Variants in RBFOX1 observed in about 807,000 individuals in gnomAD.
RBFOX1 encodes the protein RNA binding protein fox-1 homolog 1.
Under a neutral mutation model 57.7 loss-of-function variants are expected in RBFOX1, and 8 were observed. That is an observed-to-expected ratio of 0.14 (90% CI 0.08 to 0.25). The LOEUF is 0.25. RBFOX1 is among the 10% of genes least tolerant of loss of function. The pLI is 1.00. For synonymous variants in RBFOX1, 326 were observed against 222.4 expected (o/e 1.47, Z -4.15); for missense variants, 611 against 548.5 (o/e 1.11, Z -1.14).
chr16:5,796,541 C>G (rs150670412), intron 3 of RBFOX1, among the ~76,000 whole-genome samples: 20 of 147,480 alleles, frequency 1.4e-4, no homozygotes, highest in South Asian at 2.2e-4. Context: ...TGAAGCAGGG[C>G]TGTATCAGAT....
intron 1 of RBFOX1, among the ~76,000 whole-genome samples, chr16:5,314,852 C>G (rs1013065330): frequency 6.8e-6 from 1 of 147,784 alleles, no homozygotes; most frequent in African/African-American, 2.5e-5. Context: ...AAAGAACTTT[C>G]AGGTCAAAGA....
At chr16:6,730,693 C>G (rs746448363) in intron 3 of RBFOX1, among the ~76,000 whole-genome samples, 1 of 152,162 alleles carries the variant, frequency 6.6e-6, no homozygotes. Flanking sequence ...GATGAAATGC[C>G]ACTGTCCAAA....
At chr16:7,695,118 G>C (rs532187703) in intron 14 of RBFOX1, among the ~76,000 whole-genome samples, 4 of 152,252 alleles carry the variant, frequency 2.6e-5, no homozygotes, top group African/African-American at 9.6e-5. Flanking sequence ...AATTCTTAAT[G>C]AATTGCTATT....
At chr16:5,440,262 A>G (rs936985195) in intron 1 of RBFOX1, among the ~76,000 whole-genome samples, 9 of 152,242 alleles carry the variant, frequency 5.9e-5, no homozygotes, top group African/African-American at 1.9e-4. Context: ...ATATCGTTCC[A>G]GGTACAAAAT....
intron 4 of RBFOX1, among the ~76,000 whole-genome samples, chr16:5,985,311 G>A (rs898403284): frequency 7.1e-6 from 1 of 140,082 alleles, no homozygotes; most frequent in African/African-American, 2.6e-5. Context: ...ATAATCTTAT[G>A]GGGCCATTGT....
chr16:5,443,398 C>T lies in RBFOX1; in HGVS notation c.220-23818C>T, dbSNP rs144969941. On this transcript the variant is annotated intron_variant, in intron 1 of 2. Coordinates refer to the RBFOX1 transcript ENST00000585867. ...TGTTACCCAGGCTGGAGTGCAGTGT[C>T]GCGATCTTGGCTCACTGCAACCTCC... 1.3e-3 allele frequency among the ~76,000 whole-genome samples: 198 copies of T among 152,262 alleles called. 3 individuals carry two copies. The East Asian group carries it at 0.035, about 27-fold the overall frequency.
chr16:5,555,142 G>A (rs1351268274), intron 2 of RBFOX1, among the ~76,000 whole-genome samples: 1 of 152,206 alleles, frequency 6.6e-6, no homozygotes, highest in South Asian at 2.1e-4. Flanking sequence ...CCCCTTGCCT[G>A]CATCTAGCTA....
At chr16:6,321,116 T>A (rs1413895313) in intron 2 of RBFOX1, among the ~76,000 whole-genome samples, 2 of 152,176 alleles carry the variant, frequency 1.3e-5, no homozygotes, top group Non-Finnish European at 2.9e-5. Context: ...TTACTTTAGT[T>A]TTAATTGACA....
At chr16:6,845,991 A>G (rs572930972) in intron 3 of RBFOX1, among the ~76,000 whole-genome samples, 8 of 152,352 alleles carry the variant, frequency 5.3e-5, no homozygotes, top group East Asian at 3.9e-4. Context: ...GCATCAATGC[A>G]TCTCTGTAAA....
At chr16:5,463,430 A>T (rs1221366699) in intron 1 of RBFOX1, among the ~76,000 whole-genome samples, 1 of 152,202 alleles carries the variant, frequency 6.6e-6, no homozygotes, top group Non-Finnish European at 1.5e-5. Flanking sequence ...GAGTTTCTAA[A>T]TGAAAAAATA....
At chr16:7,423,542 C>G (rs1442209951) in intron 4 of RBFOX1, among the ~76,000 whole-genome samples, 4 of 152,078 alleles carry the variant, frequency 2.6e-5, no homozygotes, top group African/African-American at 7.2e-5. Flanking sequence ...CTGTCACCAT[C>G]TGTACTTTCG....
At chr16:5,974,025 A>C (rs573488133) in intron 4 of RBFOX1, among the ~76,000 whole-genome samples, 2 of 152,224 alleles carry the variant, frequency 1.3e-5, no homozygotes, top group African/African-American at 4.8e-5. Flanking sequence ...CCTCATTTGT[A>C]AAATAGAGAT....
chr16:7,238,727 T>G (rs951546512), intron 4 of RBFOX1, among the ~76,000 whole-genome samples: 1 of 152,198 alleles, frequency 6.6e-6, no homozygotes, highest in African/African-American at 2.4e-5. Context: ...TTGTGCAGAT[T>G]ATTTCATCAC....
At chr16:6,807,690 C>G (rs1189951473) in intron 3 of RBFOX1, among the ~76,000 whole-genome samples, 1 of 151,980 alleles carries the variant, frequency 6.6e-6, no homozygotes, top group African/African-American at 2.4e-5. Context: ...GTGGCAGACG[C>G]CTGTAATCGG....
chr16:7,651,249 G>A (rs1482146175), intron 11 of RBFOX1, among the ~76,000 whole-genome samples: 1 of 152,118 alleles, frequency 6.6e-6, no homozygotes, highest in African/African-American at 2.4e-5. Flanking sequence ...ATAGCCATTT[G>A]GTCTTCACTT....
chr16:7,436,139 C>A (rs2098719845), intron 4 of RBFOX1, among the ~76,000 whole-genome samples: 1 of 152,184 alleles, frequency 6.6e-6, no homozygotes, highest in Non-Finnish European at 1.5e-5. Flanking sequence ...ATTGGAAGTA[C>A]ATTTCCAGTT....
intron 1 of RBFOX1, among the ~76,000 whole-genome samples, chr16:6,237,839 A>G (rs2097517671): frequency 2.0e-5 from 3 of 152,268 alleles, no homozygotes; most frequent in Non-Finnish European, 4.4e-5. Flanking sequence ...CACACCTGTA[A>G]TCCCAGCACT....
At chr16:6,286,884 C>G (rs761538129) in intron 1 of RBFOX1, among the ~76,000 whole-genome samples, 1 of 152,130 alleles carries the variant, frequency 6.6e-6, no homozygotes, top group African/African-American at 2.4e-5. Context: ...TCTGTAAGAA[C>G]AAGGATTACA....
chr16:5,584,809 T>C (rs1016080658), intron 2 of RBFOX1, among the ~76,000 whole-genome samples: 3 of 152,194 alleles, frequency 2.0e-5, no homozygotes, highest in African/African-American at 4.8e-5. Flanking sequence ...GTATTAGACA[T>C]TGCTGATACA....
Sources: allele counts gnomAD v4.1 joint callset (sites outside exome capture counted in the v4.1 genomes callset), GRCh38; gene constraint gnomAD v4.1.1; transcripts MANE v1.5; gene names NCBI Gene and HGNC (gene_info 2026-07-23, HGNC 2026-07-21).